Variants in ERC1 observed in about 807,000 individuals in gnomAD.
ERC1 encodes RAB6 interacting protein 2.
ERC1 carries 56 observed loss-of-function variants against 132.0 expected under a neutral mutation model. That is an observed-to-expected ratio of 0.42 (90% CI 0.34 to 0.53). The LOEUF (loss-of-function observed/expected upper bound fraction) is 0.53. Among genes scored for constraint, ERC1 ranks in the 20% least tolerant of loss-of-function variants. The probability of loss-of-function intolerance (pLI) is 0.03; values close to 1 mark genes in which losing one functional copy is unlikely to be tolerated. For missense variants in ERC1, 1,202 were observed against 1,349.9 expected (o/e 0.89, Z 1.72); for synonymous variants, 478 against 476.1 (o/e 1.00, Z -0.05).
intron 1 of ERC1, among the ~76,000 whole-genome samples, chr12:991,978 G>A (rs1310582236): frequency 2.6e-5 from 4 of 151,684 alleles, no homozygotes; most frequent in Non-Finnish European, 4.4e-5. Flanking sequence ...TTCTTCTGGC[G>A]GGGTGGGTGG....
intron 17 of ERC1, among the ~76,000 whole-genome samples, chr12:1,435,865 A>G (rs1242297500): frequency 1.3e-5 from 2 of 152,140 alleles, no homozygotes; most frequent in African/African-American, 4.8e-5. Context: ...CTACAGATAT[A>G]TTTATAGTTT....
At chr12:1,375,505 T>C (rs900971949) in intron 16 of ERC1, among the ~76,000 whole-genome samples, 6 of 152,210 alleles carry the variant, frequency 3.9e-5, no homozygotes, top group African/African-American at 7.2e-5. Context: ...CTTTTTCTGC[T>C]GACAGCTTTA....
chr12:1,139,504 A>G (rs1479116870), intron 7 of ERC1, among the ~76,000 whole-genome samples: 1 of 152,140 alleles, frequency 6.6e-6, no homozygotes, highest in Non-Finnish European at 1.5e-5. Context: ...TGTAATAGGT[A>G]TGTATATAGA....
intron 2 of ERC1, among the ~76,000 whole-genome samples, chr12:1,066,690 A>T (rs568510328): frequency 6.6e-6 from 1 of 152,072 alleles, no homozygotes; most frequent in African/African-American, 2.4e-5. Flanking sequence ...TAGAAAAATT[A>T]TCCGGGTGTG....
chr12:1,199,580 G>A (rs1385300373), intron 12 of ERC1, among the ~76,000 whole-genome samples: 1 of 151,944 alleles, frequency 6.6e-6, no homozygotes, highest in Admixed American at 6.6e-5. Context: ...AGACCAGCCT[G>A]ACCAACATGG....
chr12:1,135,054 G>A (rs1402961664), intron 7 of ERC1, among the ~76,000 whole-genome samples: 1 of 152,148 alleles, frequency 6.6e-6, no homozygotes, highest in Non-Finnish European at 1.5e-5. Flanking sequence ...TAAGAGTGCT[G>A]AGGAGTCCTG....
At chr12:1,153,958 T>C (rs766801039) in intron 8 of ERC1, among the ~76,000 whole-genome samples, 6 of 152,152 alleles carry the variant, frequency 3.9e-5, no homozygotes, top group Non-Finnish European at 8.8e-5. Context: ...GTACATTGTA[T>C]TCAATAGGTA....
intron 14 of ERC1, among the ~76,000 whole-genome samples, chr12:1,269,652 T>C (rs56240126): frequency 0.02 from 3,089 of 152,216 alleles, 59 homozygotes; most frequent in South Asian, 0.055. Flanking sequence ...AGATGGACTA[T>C]TAAAGTAGCC....
chr12:1,097,255 C>T (rs1274325743), intron 3 of ERC1, among the ~76,000 whole-genome samples: 3 of 152,078 alleles, frequency 2.0e-5, no homozygotes, highest in Non-Finnish European at 4.4e-5. Context: ...GTATGATGGA[C>T]ATTTTGGACA....
chr12:1,460,464 A>T (rs1274455826), intron 18 of ERC1, among the ~76,000 whole-genome samples: 2 of 152,208 alleles, frequency 1.3e-5, no homozygotes, highest in South Asian at 4.1e-4. Flanking sequence ...AGCTCCACCC[A>T]TCGCTGCACC....
intron 2 of ERC1, among the ~76,000 whole-genome samples, chr12:1,044,816 G>C (rs1452327047): frequency 1.3e-5 from 2 of 152,228 alleles, no homozygotes; most frequent in African/African-American, 2.4e-5. Context: ...ATTCCTGTAG[G>C]AGTTATCAGG....
intron 2 of ERC1, among the ~76,000 whole-genome samples, chr12:1,075,912 T>G (rs1941266724): frequency 6.6e-6 from 1 of 152,234 alleles, no homozygotes; most frequent in South Asian, 2.1e-4. Context: ...AAAATCCATG[T>G]GTCAGCAGAC....
chr12:1,276,885 AGT>A (rs1305439007), intron 14 of ERC1, among the ~76,000 whole-genome samples: 5 of 152,240 alleles, frequency 3.3e-5, no homozygotes, highest in Non-Finnish European at 7.3e-5. Flanking sequence ...TTATCTAAAC[AGT>A]GTTTTGAAAT....
chr12:1,179,249 C>T (rs1207260751), intron 8 of ERC1, among the ~76,000 whole-genome samples: 1 of 152,104 alleles, frequency 6.6e-6, no homozygotes. Context: ...TGCGAGTCCT[C>T]TTAAGTTTTC....
Position 1,493,116 on chromosome 12 carries a change from C to G in ERC1, c.*2886C>G, listed in dbSNP as rs1239306195. On this transcript the variant is annotated 3_prime_UTR_variant, in exon 19 of 19. Transcript: ENST00000360905. ...TGTAACTGAAGAAGCCCAGTGTGAG[C>G]TTCTCATCTTTTCATATACCTCTAA... 2 of 217,518 alleles carry G rather than the reference C, an allele frequency of 9.2e-6. No individual in the cohort carries two copies. The highest frequency in any genetic ancestry group is 1.9e-5 in the Non-Finnish European group (2 of 108,092). The allele number at this position is 217,518 out of a possible 1,614,324, so 13.5% of individuals were successfully genotyped here. A position where few individuals can be genotyped will look rare whatever the true frequency, so the allele number is the denominator to read the frequency against.
At chr12:1,035,929 A>G (rs1399926042) in intron 2 of ERC1, among the ~76,000 whole-genome samples, 1 of 150,640 alleles carries the variant, frequency 6.6e-6, no homozygotes, top group Non-Finnish European at 1.5e-5. Flanking sequence ...CTCAGAAAAA[A>G]AAAAATACTT....
At chr12:1,140,708 C>T (rs1432539802) in intron 7 of ERC1, among the ~76,000 whole-genome samples, 1 of 152,128 alleles carries the variant, frequency 6.6e-6, no homozygotes, top group East Asian at 1.9e-4. Flanking sequence ...CTTAGATTTG[C>T]ACTGTTCAGT....
At chr12:1,400,169 G>A (rs538676632) in intron 16 of ERC1, among the ~76,000 whole-genome samples, 1 of 152,218 alleles carries the variant, frequency 6.6e-6, no homozygotes, top group East Asian at 1.9e-4. Flanking sequence ...GCTTTGATAC[G>A]CATTTCCCTA....
intron 15 of ERC1, among the ~76,000 whole-genome samples, chr12:1,333,677 G>C (rs530574371): frequency 3.7e-4 from 56 of 152,208 alleles, no homozygotes; most frequent in East Asian, 1.9e-3. Context: ...GGTTGATTCT[G>C]TATCTTTGCT....
Sources: allele counts gnomAD v4.1 joint callset (sites outside exome capture counted in the v4.1 genomes callset), GRCh38; gene constraint gnomAD v4.1.1; transcripts MANE v1.5; gene names NCBI Gene and HGNC (gene_info 2026-07-23, HGNC 2026-07-21).